Variants in GSK3B observed in about 807,000 individuals in gnomAD.
GSK3B encodes glycogen synthase kinase-3 beta.
GSK3B carries 15 observed loss-of-function variants against 56.4 expected under a neutral mutation model. That is an observed-to-expected ratio of 0.27 (90% CI 0.18 to 0.41). GSK3B has a LOEUF of 0.41. GSK3B is among the 10% of genes least tolerant of loss of function. GSK3B has a pLI of 1.00. For synonymous variants in GSK3B, 181 were observed against 188.9 expected (o/e 0.96, Z 0.34); for missense variants, 300 against 513.4 (o/e 0.58, Z 4.02).
chr3:119,985,412 T>C (rs1278310970), intron 2 of GSK3B, among the ~76,000 whole-genome samples: 1 of 152,198 alleles, frequency 6.6e-6, no homozygotes, highest in Non-Finnish European at 1.5e-5. Flanking sequence ...TGTTTGCAGA[T>C]GACATGATTG....
rs1409508282 is a variant in GSK3B at position 120,033,152 on chromosome 3, T to C, written c.89-30913A>G. 2.6e-5 allele frequency among the ~76,000 whole-genome samples: 4 copies of C among 152,254 alleles called. No individual in the cohort carries two copies. In the East Asian group the frequency reaches 7.7e-4, roughly 29 times the overall value. On this transcript the variant is annotated intron_variant, in intron 1 of 10. Coordinates refer to ENST00000264235, the MANE Select transcript of GSK3B (RefSeq NM_001146156.2). ...TCTTTTACTTAGAATGTTTTCCAGG[T>C]TCATCCATGTTGTAGTATGCTTTGG...
intron 1 of GSK3B, among the ~76,000 whole-genome samples, chr3:120,066,629 C>CA (rs1161256025): frequency 6.6e-6 from 1 of 151,982 alleles, no homozygotes; most frequent in Non-Finnish European, 1.5e-5. Context: ...GCTACAAATA[C>CA]AAAATGAATG....
chr3:119,903,451 T>G (rs2056645654), intron 7 of GSK3B, among the ~76,000 whole-genome samples: 1 of 152,094 alleles, frequency 6.6e-6, no homozygotes, highest in Non-Finnish European at 1.5e-5. Context: ...AGAGTTGGCC[T>G]GCTACTACAT....
At chr3:119,940,913 A>G (rs990253805) in intron 3 of GSK3B, among the ~76,000 whole-genome samples, 2 of 152,196 alleles carry the variant, frequency 1.3e-5, no homozygotes, top group Non-Finnish European at 2.9e-5. Context: ...ATGAGTAAAT[A>G]TAAGTAATGT....
intron 3 of GSK3B, among the ~76,000 whole-genome samples, chr3:119,940,660 C>T (rs1390435332): frequency 6.6e-6 from 1 of 152,004 alleles, no homozygotes; most frequent in Non-Finnish European, 1.5e-5. Flanking sequence ...ATTATATCTC[C>T]TTGGCTCTTG....
intron 2 of GSK3B, among the ~76,000 whole-genome samples, chr3:119,985,094 T>C (rs980459246): frequency 2.6e-5 from 4 of 152,010 alleles, no homozygotes; most frequent in African/African-American, 7.2e-5. Flanking sequence ...AAAAACCACA[T>C]GATTATCTCA....
chr3:120,043,260 C>T (rs1198693491), intron 1 of GSK3B, among the ~76,000 whole-genome samples: 3 of 152,194 alleles, frequency 2.0e-5, no homozygotes, highest in African/African-American at 7.2e-5. Flanking sequence ...ACCACCACCT[C>T]CAGAGTCATG....
intron 1 of GSK3B, among the ~76,000 whole-genome samples, chr3:120,014,519 A>T (rs1238151680): frequency 6.6e-6 from 1 of 152,186 alleles, no homozygotes; most frequent in African/African-American, 2.4e-5. Context: ...TGTTGGAACA[A>T]ATGAAACTAT....
chr3:119,869,552 T>C (rs954150501), intron 8 of GSK3B, among the ~76,000 whole-genome samples: 4 of 152,212 alleles, frequency 2.6e-5, no homozygotes, highest in African/African-American at 9.6e-5. Context: ...TCCTTAGCCA[T>C]GACAAATCTA....
intron 1 of GSK3B, among the ~76,000 whole-genome samples, chr3:120,076,582 G>A (rs961507184): frequency 7.2e-5 from 11 of 152,082 alleles, no homozygotes; most frequent in South Asian, 6.2e-4. Context: ...TTGGGAGGCC[G>A]AGACGGGCGG....
At chr3:119,836,270 G>A (rs1405901694) in intron 10 of GSK3B, among the ~76,000 whole-genome samples, 1 of 152,110 alleles carries the variant, frequency 6.6e-6, no homozygotes, top group Non-Finnish European at 1.5e-5. Flanking sequence ...TGCAAATAAA[G>A]TAACAGTAAG....
In GSK3B at chr3:119,825,333, G is replaced by T; in HGVS notation, c.*1455C>A. On this transcript the variant is annotated 3_prime_UTR_variant, in exon 11 of 11. Transcript: ENST00000264235. ...CCTTCAATTCTCCTTGCTTTCCAAG[G>T]AATATTGCTTTTTCTTCAAAAAGAG... The T allele has an allele frequency of 4.3e-6, 1 of 230,020 alleles. No individual in the cohort carries two copies. The highest frequency in any genetic ancestry group is 8.6e-6 in the Non-Finnish European group (1 of 116,202). 14.2% of individuals were successfully genotyped at this position (230,020 alleles called of 1,614,324 possible). A position where few individuals can be genotyped will look rare whatever the true frequency, so the allele number is the denominator to read the frequency against.
chr3:119,936,354 A>T (rs55765160), intron 3 of GSK3B, among the ~76,000 whole-genome samples: 15,185 of 125,612 alleles, frequency 0.12, 1,015 homozygotes, highest in Non-Finnish European at 0.17. Context: ...ATATATATAT[A>T]TTTTTTTTTT....
At chr3:119,856,022 T>C (rs2108025220) in intron 9 of GSK3B, among the ~76,000 whole-genome samples, 1 of 152,366 alleles carries the variant, frequency 6.6e-6, no homozygotes, top group Admixed American at 6.5e-5. Flanking sequence ...TCTACATTTT[T>C]CTATGTTTAT....
At chr3:120,004,330 G>T (rs1163337780) in intron 1 of GSK3B, among the ~76,000 whole-genome samples, 1 of 152,186 alleles carries the variant, frequency 6.6e-6, no homozygotes, top group African/African-American at 2.4e-5. Flanking sequence ...TCCACCTCTG[G>T]GGGCAGGGCA....
intron 9 of GSK3B, among the ~76,000 whole-genome samples, chr3:119,847,276 T>A (rs907164925): frequency 6.6e-6 from 1 of 151,944 alleles, no homozygotes; most frequent in African/African-American, 2.4e-5. Context: ...ATCCCAGAAC[T>A]TAAAGTATAA....
chr3:119,909,097 C>CA (rs2056711548), intron 6 of GSK3B, among the ~76,000 whole-genome samples: 2 of 152,162 alleles, frequency 1.3e-5, no homozygotes, highest in African/African-American at 2.4e-5. Context: ...CAGCTCACTG[C>CA]AACCTCTGCC....
At chr3:119,956,695 C>T (rs1406050708) in intron 2 of GSK3B, among the ~76,000 whole-genome samples, 1 of 152,052 alleles carries the variant, frequency 6.6e-6, no homozygotes, top group African/African-American at 2.4e-5. Flanking sequence ...AGAACCTAGA[C>T]AGTGGAGTAA....
intron 4 of GSK3B, among the ~76,000 whole-genome samples, chr3:119,916,675 T>G (rs1462064431): frequency 6.6e-6 from 1 of 152,180 alleles, no homozygotes; most frequent in African/African-American, 2.4e-5. Flanking sequence ...GATGTCAGCC[T>G]CCAAGGTGAT....
Sources: allele counts gnomAD v4.1 joint callset (sites outside exome capture counted in the v4.1 genomes callset), GRCh38; gene constraint gnomAD v4.1.1; transcripts MANE v1.5; gene names NCBI Gene and HGNC (gene_info 2026-07-23, HGNC 2026-07-21).